Variants in DCAF7 observed in about 807,000 individuals in gnomAD.
The protein encoded by DCAF7 is DDB1- and CUL4-associated factor 7.
Under a neutral mutation model 41.2 loss-of-function variants are expected in DCAF7, and 4 were observed. That is an observed-to-expected ratio of 0.10 (90% CI 0.05 to 0.22). DCAF7 has a LOEUF of 0.22. Ranked by LOEUF, DCAF7 falls within the 10% of genes least tolerant of loss-of-function variation. DCAF7 has a pLI of 1.00. For missense variants in DCAF7, 131 were observed against 443.2 expected, an observed-to-expected ratio of 0.30 and a Z score of 6.32; for synonymous variants, 143 against 164.2, an observed-to-expected ratio of 0.87 and a Z score of 0.99.
At chr17:63,582,026 T>C (rs1377044669) in intron 4 of DCAF7, among the ~76,000 whole-genome samples, 1 of 152,094 alleles carries the variant, frequency 6.6e-6, no homozygotes, top group African/African-American at 2.4e-5. Context: ...ACCTGTGGGA[T>C]CTCTGTCCCT....
intron 1 of DCAF7, among the ~76,000 whole-genome samples, chr17:63,574,831 G>A (rs1325090687): frequency 6.6e-6 from 1 of 150,786 alleles, no homozygotes; most frequent in Non-Finnish European, 1.5e-5. Flanking sequence ...AAATTAGCTG[G>A]GTACGGTGGC....
intron 4 of DCAF7, 40 bp from the exon 5 acceptor site, chr17:63,583,462 A>G (rs760937254): frequency 1.3e-6 from 2 of 1,569,404 alleles, no homozygotes; most frequent in Non-Finnish European, 1.7e-6. Context: ...AGAAGAGGTA[A>G]TGGATCTGAA....
In DCAF7 at chr17:63,579,690, C is replaced by T. The variant is rs577368279; in HGVS notation, c.410-135C>T. 7.3e-5 allele frequency: 56 copies of T among 770,268 alleles called. No individual in the cohort carries two copies. In the African/African-American group the frequency reaches 8.6e-4, roughly 12 times the overall value. 47.7% of individuals were successfully genotyped at this position (770,268 alleles called of 1,614,324 possible). On this transcript the variant is annotated intron_variant, in intron 3 of 6. Coordinates refer to ENST00000614556, the MANE Select transcript of DCAF7 (RefSeq NM_005828.5). ...GACTTGACTGCCTCGGTGGCTCTGC[C>T]GGTAGCCCCCACCTTGTTTTCTGTA... is the stretch of plus-strand genomic sequence containing the variant.
chr17:63,568,015 G>A (rs2033463175), intron 1 of DCAF7, among the ~76,000 whole-genome samples: 1 of 151,518 alleles, frequency 6.6e-6, no homozygotes, highest in Non-Finnish European at 1.5e-5. Context: ...CCCTGATTTT[G>A]TTTTGTTATT....
At chr17:63,576,467 A>G (rs1331015970) in intron 1 of DCAF7, among the ~76,000 whole-genome samples, 1 of 152,166 alleles carries the variant, frequency 6.6e-6, no homozygotes. Flanking sequence ...AACAACAACA[A>G]AAAGCAAACC....
At chr17:63,554,514 G>A (rs1598024258) in intron 1 of DCAF7, among the ~76,000 whole-genome samples, 1 of 152,250 alleles carries the variant, frequency 6.6e-6, no homozygotes, top group African/African-American at 2.4e-5. Flanking sequence ...CATTGGTTCT[G>A]CCCTTCCATC....
chr17:63,574,617 A>G (rs1183098563), intron 1 of DCAF7, among the ~76,000 whole-genome samples: 2 of 152,226 alleles, frequency 1.3e-5, no homozygotes, highest in Non-Finnish European at 1.5e-5. Context: ...GCCAAGATTA[A>G]TGTACAAAAA....
intron 1 of DCAF7, among the ~76,000 whole-genome samples, chr17:63,577,108 C>A (rs1395323891): frequency 1.3e-5 from 2 of 152,120 alleles, no homozygotes; most frequent in Non-Finnish European, 2.9e-5. Context: ...AACCATAGAT[C>A]AGTGGCTACT....
intron 4 of DCAF7, 110 bp downstream of exon 4, chr17:63,580,053 CAT>C (rs2147774762): frequency 1.3e-6 from 1 of 776,372 alleles, no homozygotes; most frequent in Non-Finnish European, 2.1e-6. Flanking sequence ...AAAATCATAA[CAT>C]AACATCTTCT....
intron 1 of DCAF7, among the ~76,000 whole-genome samples, chr17:63,561,566 A>C (rs556830010): frequency 1.3e-5 from 2 of 152,240 alleles, no homozygotes; most frequent in East Asian, 3.9e-4. Context: ...CAAAATATAA[A>C]AAATAGCCAG....
chr17:63,575,516 A>T (rs944283709), intron 1 of DCAF7, among the ~76,000 whole-genome samples: 4 of 152,180 alleles, frequency 2.6e-5, no homozygotes, highest in Admixed American at 6.5e-5. Flanking sequence ...CCTAGCCGAC[A>T]TGGCAAAACC....
intron 1 of DCAF7, among the ~76,000 whole-genome samples, chr17:63,558,488 TC>T (rs1329265983): frequency 1.3e-5 from 2 of 152,226 alleles, no homozygotes; most frequent in African/African-American, 4.8e-5. Flanking sequence ...AAGCTTGGTA[TC>T]CTAAAGATGT....
Position 63,593,691 on chromosome 17 carries a change from T to A in DCAF7, c.*4519T>A, listed in dbSNP as rs1232217477. The A allele has an allele frequency of 6.5e-6, 1 of 152,684 alleles. No individual in the cohort carries two copies. The allele number at this position is 152,684 out of a possible 1,614,324, so 9.5% of individuals were successfully genotyped here. On this transcript the variant is annotated 3_prime_UTR_variant, in exon 7 of 7. Transcript: ENST00000614556. ...TGTTGAGCTGAAGCTTTGAATCGATTTAGTTGAGTCTGACTCACTTGCTTT... is the reference window on the plus strand; with the variant it reads ...TGTTGAGCTGAAGCTTTGAATCGATATAGTTGAGTCTGACTCACTTGCTTT...
At chr17:63,585,363 A>G in intron 6 of DCAF7, 35 bp downstream of exon 6, 1 of 1,565,196 alleles carries the variant, frequency 6.4e-7, no homozygotes, top group African/African-American at 1.3e-5. Flanking sequence ...TCTGGGAAGG[A>G]TGGAGGAAAT....
intron 1 of DCAF7, among the ~76,000 whole-genome samples, chr17:63,557,947 G>T (rs2033327546): frequency 6.6e-6 from 1 of 151,712 alleles, no homozygotes; most frequent in Non-Finnish European, 1.5e-5. Flanking sequence ...CCCAGGCTGG[G>T]TGCAGAGGCA....
intron 4 of DCAF7, among the ~76,000 whole-genome samples, chr17:63,582,746 G>A (rs2033637431): frequency 6.6e-6 from 1 of 152,204 alleles, no homozygotes; most frequent in Non-Finnish European, 1.5e-5. Flanking sequence ...TGGGATTACA[G>A]GTGTAATCCG....
chr17:63,577,062 A>T (rs1356018995), intron 1 of DCAF7, among the ~76,000 whole-genome samples: 1 of 152,232 alleles, frequency 6.6e-6, no homozygotes, highest in Admixed American at 6.5e-5. Context: ...ACTCAAGACC[A>T]TCTGATTCTA....
At chr17:63,562,080 G>C (rs2033388587) in intron 1 of DCAF7, among the ~76,000 whole-genome samples, 1 of 151,350 alleles carries the variant, frequency 6.6e-6, no homozygotes, top group African/African-American at 2.4e-5. Context: ...TACCCTACCA[G>C]ATTAGAATAA....
intron 3 of DCAF7, 77 bp downstream of exon 3, chr17:63,579,525 C>T: frequency 3.8e-6 from 4 of 1,060,028 alleles, no homozygotes; most frequent in East Asian, 2.6e-5. Context: ...CTGGGCCATA[C>T]ATCCTAGAAC....
Sources: gnomAD v4.1 joint callset for allele counts (sites outside exome capture counted in the v4.1 genomes callset) on GRCh38, gnomAD v4.1.1 for gene constraint, MANE v1.5 for transcripts, NCBI Gene and HGNC (gene_info 2026-07-23, HGNC 2026-07-21) for gene names.